Variants in ANO2 observed in about 807,000 individuals in gnomAD.
The protein encoded by ANO2 is anoctamin 2.
In ANO2, 101 loss-of-function variants were observed where a neutral mutation model predicts 124.2. The observed-to-expected ratio is 0.81, with a 90% CI of 0.69 to 0.96. The LOEUF (loss-of-function observed/expected upper bound fraction) is 0.96. Ranked by LOEUF, ANO2 falls within the 40% of genes least tolerant of loss-of-function variation. ANO2 has a pLI of 0.00. For synonymous variants in ANO2, 486 were observed against 482.5 expected, an observed-to-expected ratio of 1.01 and a Z score of -0.09; for missense variants, 1,293 against 1,274.5, an observed-to-expected ratio of 1.01 and a Z score of -0.22.
intron 3 of ANO2, among the ~76,000 whole-genome samples, chr12:5,879,924 G>A (rs1938366414): frequency 6.6e-6 from 1 of 152,202 alleles, no homozygotes; most frequent in Non-Finnish European, 1.5e-5. Flanking sequence ...CATTTGGAAA[G>A]ATCACTCTGA....
At chr12:5,883,307 C>T (rs1420110756) in intron 3 of ANO2, among the ~76,000 whole-genome samples, 1 of 152,204 alleles carries the variant, frequency 6.6e-6, no homozygotes, top group Non-Finnish European at 1.5e-5. Flanking sequence ...ACCACCTACT[C>T]TACTGCTGAG....
At chr12:5,674,978 C>A (rs535304958) in intron 14 of ANO2, among the ~76,000 whole-genome samples, 1 of 152,008 alleles carries the variant, frequency 6.6e-6, no homozygotes, top group South Asian at 2.1e-4. Flanking sequence ...GATGGGCAGT[C>A]GAGTTGCCCA....
intron 16 of ANO2, among the ~76,000 whole-genome samples, chr12:5,620,986 C>A (rs1412886600): frequency 6.6e-6 from 1 of 152,120 alleles, no homozygotes; most frequent in African/African-American, 2.4e-5. Context: ...TCCTCACCAG[C>A]CTGAACGTGC....
intron 10 of ANO2, among the ~76,000 whole-genome samples, chr12:5,779,946 CT>C (rs1160887032): frequency 6.6e-6 from 1 of 151,752 alleles, no homozygotes; most frequent in African/African-American, 2.4e-5. Flanking sequence ...GATTCTCGGA[CT>C]AAAAAAAAGT....
intron 7 of ANO2, among the ~76,000 whole-genome samples, chr12:5,809,804 C>G (rs780583934): frequency 5.9e-5 from 9 of 152,216 alleles, no homozygotes; most frequent in Non-Finnish European, 1.0e-4. Flanking sequence ...GAGAGCACTC[C>G]TCTCACCTGT....
chr12:5,724,122 C>T (rs1191578505), intron 14 of ANO2, among the ~76,000 whole-genome samples: 1 of 152,030 alleles, frequency 6.6e-6, no homozygotes, highest in African/African-American at 2.4e-5. Context: ...ATGCTTAGGG[C>T]CCTTAACCAC....
chr12:5,929,845 A>C (rs1942274702), intron 1 of ANO2, among the ~76,000 whole-genome samples: 1 of 142,246 alleles, frequency 7.0e-6, no homozygotes, highest in Non-Finnish European at 1.5e-5. Flanking sequence ...TTACTAGTCT[A>C]CCTTCTTTCC....
In ANO2 at chr12:5,739,831, TCCCCAGCG is replaced by T. The variant is rs900480708; in HGVS notation, c.1352-440_1352-433del. On this transcript the variant is annotated intron_variant, in intron 12 of 24. Transcript: ENST00000682330. Reference sequence around the variant, plus strand: ...TTTTCCCTACATTTCTTTCTTTCTGTCCCCAGCGCCACTTGCCTCATTTGGGCCCTAAT... The same window carrying T: ...TTTTCCCTACATTTCTTTCTTTCTGTCCACTTGCCTCATTTGGGCCCTAAT... 35 of 455,356 alleles carry T rather than the reference TCCCCAGCG, an allele frequency of 7.7e-5. No homozygotes were observed. The Admixed American group carries it at 8.3e-4, about 11-fold the overall frequency. 28.2% of individuals were successfully genotyped at this position (455,356 alleles called of 1,614,324 possible). A position where few individuals can be genotyped will look rare whatever the true frequency, so the allele number is the denominator to read the frequency against.
chr12:5,772,374 C>T (rs7309475), intron 10 of ANO2, among the ~76,000 whole-genome samples: 3,532 of 152,322 alleles, frequency 0.023, 61 homozygotes, highest in Non-Finnish European at 0.036. Context: ...GTGTAATCTA[C>T]ACAGAAGTCC....
chr12:5,766,724 T>C (rs1591591800), intron 10 of ANO2, among the ~76,000 whole-genome samples: 2 of 152,324 alleles, frequency 1.3e-5, no homozygotes, highest in Admixed American at 1.3e-4. Context: ...AGTCACATAA[T>C]ACGCACACCA....
intron 11 of ANO2, among the ~76,000 whole-genome samples, chr12:5,747,991 C>T (rs1759834320): frequency 6.6e-6 from 1 of 152,312 alleles, no homozygotes; most frequent in South Asian, 2.1e-4. Context: ...TCTATGTGCA[C>T]GTGCATGAGT....
intron 15 of ANO2, among the ~76,000 whole-genome samples, chr12:5,642,912 T>C (rs73269208): frequency 0.023 from 3,436 of 152,290 alleles, 131 homozygotes; most frequent in African/African-American, 0.079. Flanking sequence ...CCAGAATGTT[T>C]CCCCTAGAAT....
At chr12:5,815,612 CCT>C (rs1292462926) in intron 7 of ANO2, among the ~76,000 whole-genome samples, 2 of 152,158 alleles carry the variant, frequency 1.3e-5, no homozygotes, top group African/African-American at 4.8e-5. Context: ...GAGCTACACC[CCT>C]GACCATATTC....
At chr12:5,725,897 T>C (rs1950419657) in intron 14 of ANO2, among the ~76,000 whole-genome samples, 1 of 152,074 alleles carries the variant, frequency 6.6e-6, no homozygotes, top group South Asian at 2.1e-4. Context: ...AATAGAAAGT[T>C]TATTGGAAGC....
intron 14 of ANO2, among the ~76,000 whole-genome samples, chr12:5,662,848 C>A (rs112274528): frequency 1.3e-5 from 2 of 152,116 alleles, no homozygotes; most frequent in African/African-American, 4.8e-5. Flanking sequence ...TGGGATAGGA[C>A]CCCAAAAAAG....
rs117887682 is a variant in ANO2 at position 5,787,331 on chromosome 12, G to A, written c.1055+12176C>T. 6.7e-3 allele frequency among the ~76,000 whole-genome samples: 1,022 copies of A among 152,180 alleles called. 8 individuals carry two copies. The highest frequency in any genetic ancestry group is 0.02 in the South Asian group (95 of 4,812). On this transcript the variant is annotated intron_variant, in intron 10 of 24. Coordinates refer to ENST00000682330, the MANE Select transcript of ANO2 (RefSeq NM_001364791.2). The surrounding 1 kb of genome is among the most constrained non-coding windows in gnomAD (Gnocchi z 4.2). The stretch of plus-strand genomic sequence containing the variant: ...ATGATGTACCCTTTCCTTAGGGTAC[G>A]GTCCAAAATCCCTAACCAGCCCAAA...
At chr12:5,899,547 C>T (rs920728072) in intron 3 of ANO2, among the ~76,000 whole-genome samples, 2 of 152,208 alleles carry the variant, frequency 1.3e-5, no homozygotes, top group Non-Finnish European at 2.9e-5. Context: ...TACTTCACAA[C>T]AATTTTGTTA....
At chr12:5,604,444 G>A (rs557468950) in intron 19 of ANO2, among the ~76,000 whole-genome samples, 33 of 152,298 alleles carry the variant, frequency 2.2e-4, no homozygotes, top group East Asian at 1.4e-3. Context: ...AAAGAGCGGC[G>A]GAAGCCCTAG....
At chr12:5,677,129 G>C (rs199810740) in intron 14 of ANO2, among the ~76,000 whole-genome samples, 42 of 151,596 alleles carry the variant, frequency 2.8e-4, no homozygotes, top group African/African-American at 8.7e-4. Context: ...CTCAGGATTG[G>C]GGGGGAGAAT....
Sources: allele counts gnomAD v4.1 joint callset (sites outside exome capture counted in the v4.1 genomes callset), GRCh38; gene constraint gnomAD v4.1.1; non-coding constraint Gnocchi (gnomAD v3.1); transcripts MANE v1.5; gene names NCBI Gene and HGNC (gene_info 2026-07-23, HGNC 2026-07-21).